PLA2G10: variants seen among roughly 807,000 people sequenced by gnomAD.
The protein encoded by PLA2G10 is group 10 secretory phospholipase A2.
In PLA2G10, 9 loss-of-function variants were observed where a neutral mutation model predicts 7.9. The ratio of observed to expected loss-of-function variants is 1.14; its 90% CI spans 0.68 to 1.98. The LOEUF (loss-of-function observed/expected upper bound fraction) is 1.98. PLA2G10 is among the 30% of genes most tolerant of loss of function. PLA2G10 has a pLI of 0.00. For missense variants in PLA2G10, 53 were observed against 65.4 expected (o/e 0.81, Z 0.66); for synonymous variants, 19 against 27.5 (o/e 0.69, Z 0.97).
chr16:14,680,699 A>G (rs1216854382), intron 3 of PLA2G10, among the ~76,000 whole-genome samples: 4 of 152,172 alleles, frequency 2.6e-5, no homozygotes, highest in Admixed American at 2.0e-4. Flanking sequence ...TGTAGCAGGT[A>G]TAGTAATTCA....
At chr16:14,681,334 G>A (rs1960886890) in intron 3 of PLA2G10, among the ~76,000 whole-genome samples, 1 of 152,082 alleles carries the variant, frequency 6.6e-6, no homozygotes, top group African/African-American at 2.4e-5. Flanking sequence ...AGGCTTACAG[G>A]AATTCGGTAA....
intron 3 of PLA2G10, among the ~76,000 whole-genome samples, chr16:14,675,471 T>A (rs1247041771): frequency 6.6e-6 from 1 of 151,906 alleles, no homozygotes; most frequent in East Asian, 1.9e-4. Flanking sequence ...AATAAATAAA[T>A]AGGACTTAAT....
intron 3 of PLA2G10, among the ~76,000 whole-genome samples, chr16:14,677,849 GGATA>G (rs1295217194): frequency 1.4e-4 from 15 of 108,866 alleles, no homozygotes; most frequent in Middle Eastern, 4.5e-3. Flanking sequence ...GGTGATGGAT[GGATA>G]GATGGATGGA....
chr16:14,685,063 A>T (rs1422821993), intron 3 of PLA2G10, among the ~76,000 whole-genome samples: 1 of 152,160 alleles, frequency 6.6e-6, no homozygotes, highest in Non-Finnish European at 1.5e-5. Context: ...TGACGTACTG[A>T]CACATGCTAT....
chr16:14,675,395 C>CA (rs1363051364), intron 3 of PLA2G10, among the ~76,000 whole-genome samples: 3 of 151,830 alleles, frequency 2.0e-5, no homozygotes, highest in Non-Finnish European at 4.4e-5. Flanking sequence ...GGAAAAACTC[C>CA]CCTGGACATT....
intron 3 of PLA2G10, among the ~76,000 whole-genome samples, chr16:14,685,579 G>A (rs74695674): frequency 2.1e-4 from 32 of 152,158 alleles, no homozygotes; most frequent in African/African-American, 6.7e-4. Flanking sequence ...GGGATTTTTC[G>A]AGGCAGAGTG....
intron 3 of PLA2G10, among the ~76,000 whole-genome samples, chr16:14,673,572 A>G (rs542534456): frequency 6.7e-6 from 1 of 150,232 alleles, no homozygotes; most frequent in East Asian, 2.0e-4. Flanking sequence ...GTTTTGCCAT[A>G]TTGCCAGGCT....
intron 3 of PLA2G10, among the ~76,000 whole-genome samples, chr16:14,683,738 G>C (rs564468877): frequency 3.3e-4 from 50 of 152,166 alleles, no homozygotes; most frequent in African/African-American, 1.1e-3. Context: ...AAACTTAACG[G>C]TAAATATTTA....
chr16:14,677,452 C>T (rs867244486), intron 3 of PLA2G10, among the ~76,000 whole-genome samples: 10 of 152,234 alleles, frequency 6.6e-5, no homozygotes, highest in Non-Finnish European at 1.0e-4. Flanking sequence ...CTGCAACCTC[C>T]GCCTCCTGGG....
chr16:14,683,494 C>T (rs1202461669), intron 3 of PLA2G10, among the ~76,000 whole-genome samples: 2 of 151,966 alleles, frequency 1.3e-5, no homozygotes, highest in Non-Finnish European at 2.9e-5. Flanking sequence ...CCTCAGCCTC[C>T]CAAAGTGCTA....
At chr16:14,677,447 A>G (rs1315292410) in intron 3 of PLA2G10, among the ~76,000 whole-genome samples, 2 of 152,056 alleles carry the variant, frequency 1.3e-5, no homozygotes, top group African/African-American at 4.8e-5. Context: ...GCTCACTGCA[A>G]CCTCCGCCTC....
intron 3 of PLA2G10, among the ~76,000 whole-genome samples, chr16:14,684,872 A>G (rs774233972): frequency 9.2e-5 from 14 of 152,134 alleles, no homozygotes; most frequent in Non-Finnish European, 1.6e-4. Flanking sequence ...TTCCACTCCT[A>G]GGTATATACT....
At chr16:14,683,126 C>A (rs1382455383) in intron 3 of PLA2G10, among the ~76,000 whole-genome samples, 3 of 152,104 alleles carry the variant, frequency 2.0e-5, no homozygotes, top group African/African-American at 7.2e-5. Context: ...TTCACAACAC[C>A]TATCTTACAG....
At chr16:14,676,480 A>C (rs1567502208) in intron 3 of PLA2G10, among the ~76,000 whole-genome samples, 1 of 152,168 alleles carries the variant, frequency 6.6e-6, no homozygotes, top group Non-Finnish European at 1.5e-5. Context: ...GGAGTTCAAG[A>C]CCAGCCTCAC....
chr16:14,680,027 C>A (rs1449654601), intron 3 of PLA2G10, among the ~76,000 whole-genome samples: 1 of 152,030 alleles, frequency 6.6e-6, no homozygotes, highest in Non-Finnish European at 1.5e-5. Flanking sequence ...CAACAGAAAG[C>A]CTATATACAT....
intron 3 of PLA2G10, among the ~76,000 whole-genome samples, chr16:14,677,959 A>G (rs1960772706): frequency 6.6e-6 from 1 of 152,084 alleles, no homozygotes; most frequent in Non-Finnish European, 1.5e-5. Flanking sequence ...GTGAATGGAT[A>G]ATGGATGAAT....
At chr16:14,686,226 T>C (rs1020627579) in intron 3 of PLA2G10, among the ~76,000 whole-genome samples, 27 of 150,782 alleles carry the variant, frequency 1.8e-4, no homozygotes, top group Non-Finnish European at 3.5e-4. Context: ...ATTCCTAGGC[T>C]CAAGCCATCT....
At chr16:14,675,111 C>T (rs927154954) in intron 3 of PLA2G10, among the ~76,000 whole-genome samples, 4 of 148,334 alleles carry the variant, frequency 2.7e-5, no homozygotes, top group African/African-American at 7.5e-5. Flanking sequence ...GAGGAGGTTG[C>T]AGTGAGCTGA....
chr16:14,674,444 C>T (rs967477491), intron 3 of PLA2G10, among the ~76,000 whole-genome samples: 4 of 152,306 alleles, frequency 2.6e-5, no homozygotes, highest in South Asian at 2.1e-4. Flanking sequence ...TGGCTCACGC[C>T]TGTAATCCTA....
Sources: allele counts gnomAD v4.1 joint callset (sites outside exome capture counted in the v4.1 genomes callset), GRCh38; gene constraint gnomAD v4.1.1; transcripts MANE v1.5; gene names NCBI Gene and HGNC (gene_info 2026-07-23, HGNC 2026-07-21).